WDR25: variants seen among roughly 807,000 people sequenced by gnomAD.
WDR25 encodes the protein WD repeat-containing protein 25.
Under a neutral mutation model 47.7 loss-of-function variants are expected in WDR25, and 35 were observed. That is an observed-to-expected ratio of 0.73 (90% CI 0.56 to 0.97). The LOEUF is 0.97. WDR25 is among the 50% of genes least tolerant of loss of function. The pLI, the probability that WDR25 is intolerant of heterozygous loss-of-function variation, is 0.00. For synonymous variants in WDR25, 248 were observed against 278.9 expected (o/e 0.89, Z 1.10); for missense variants, 634 against 704.7 (o/e 0.90, Z 1.14).
chr14:100,416,248 G>A (rs1249396224), intron 2 of WDR25, among the ~76,000 whole-genome samples: 1 of 152,214 alleles, frequency 6.6e-6, no homozygotes, highest in East Asian at 1.9e-4. Context: ...GTAAGAGGCA[G>A]TACAAGGGAA....
chr14:100,422,926 G>A (rs1439516251), intron 2 of WDR25, among the ~76,000 whole-genome samples: 3 of 152,152 alleles, frequency 2.0e-5, no homozygotes, highest in Admixed American at 6.5e-5. Context: ...CAATTTTTCA[G>A]GATTGAAGTG....
At chr14:100,485,171 G>T (rs1178054505) in intron 4 of WDR25, among the ~76,000 whole-genome samples, 1 of 151,342 alleles carries the variant, frequency 6.6e-6, no homozygotes, top group Non-Finnish European at 1.5e-5. Context: ...TGTTTCCTAA[G>T]TAGAGGCTTG....
At chr14:100,526,454 T>C (rs1455673731) in intron 5 of WDR25, among the ~76,000 whole-genome samples, 4 of 152,120 alleles carry the variant, frequency 2.6e-5, no homozygotes, top group African/African-American at 9.7e-5. Flanking sequence ...TTAGAACACC[T>C]GCATTAAGGT....
chr14:100,396,389 A>G (rs548060997), intron 2 of WDR25, among the ~76,000 whole-genome samples: 1 of 152,368 alleles, frequency 6.6e-6, no homozygotes, highest in Non-Finnish European at 1.5e-5. Context: ...AGCCTACAAT[A>G]AAAGATACAA....
chr14:100,378,772 A>C (rs1311819782), intron 1 of WDR25, among the ~76,000 whole-genome samples: 2 of 30,456 alleles, frequency 6.6e-5, no homozygotes, highest in Admixed American at 2.1e-4. Context: ...TCCCGGCTAA[A>C]ACGGTGAAAC....
intron 5 of WDR25, 84 bp downstream of exon 5, chr14:100,526,124 C>T (rs2030121329): frequency 6.7e-7 from 1 of 1,494,408 alleles, no homozygotes; most frequent in South Asian, 1.3e-5. Flanking sequence ...GTCCCAGGTC[C>T]CTTCTGTGGG....
chr14:100,523,361 G>A lies in WDR25; in HGVS notation c.1102-2509G>A, dbSNP rs2029953362. 6.6e-6 allele frequency among the ~76,000 whole-genome samples: 1 copy of A among 152,154 alleles called. No homozygotes were observed. The highest frequency in any genetic ancestry group is 2.4e-5 in the African/African-American group (1 of 41,434). On this transcript the variant is annotated intron_variant, in intron 4 of 6. Transcript: ENST00000402312. The surrounding 1 kb of genome is among the most constrained non-coding windows in gnomAD (Gnocchi z 4.7). The stretch of plus-strand genomic sequence containing the variant: ...GCACAGGGTTGCGTGTGAGCCCAGA[G>A]CAGTGCCTCCCCACCCCCTGTCCTT...
Position 100,484,015 on chromosome 14 carries a change from G to C in WDR25, c.992G>C (p.Arg331Pro). The change falls in exon 4 of 7, where the codon CGA becomes CCA. Residue 331 changes from arginine (R) to proline (P), a missense_variant. Physicochemically the swap from Arg to Pro is moderately radical, Grantham distance 103. Coordinates refer to ENST00000402312, the MANE Select transcript of WDR25 (RefSeq NM_001161476.3). ...GTAGGAACCCAGCTATTTAGTGGTC[G>C]AAGTGACTTTAGAATCACTACCTTG... ...LETGTQLFSG[R>P]SDFRITTLKF... 1.2e-6 allele frequency: 2 copies of C among 1,612,968 alleles called. No homozygotes were observed. The highest frequency in any genetic ancestry group is 1.7e-6 in the Non-Finnish European group (2 of 1,179,666).
chr14:100,447,130 G>C (rs1379535338), intron 2 of WDR25, among the ~76,000 whole-genome samples: 1 of 152,248 alleles, frequency 6.6e-6, no homozygotes, highest in Non-Finnish European at 1.5e-5. Flanking sequence ...TCTAAGTACA[G>C]TTTGTTAGGG....
At chr14:100,520,673 C>A (rs1282470869) in intron 4 of WDR25, among the ~76,000 whole-genome samples, 1 of 152,156 alleles carries the variant, frequency 6.6e-6, no homozygotes, top group Non-Finnish European at 1.5e-5. Context: ...GAAGACAATG[C>A]ATTTATTACT....
chr14:100,503,286 C>T (rs985140751), intron 4 of WDR25, among the ~76,000 whole-genome samples: 2 of 152,136 alleles, frequency 1.3e-5, no homozygotes, highest in Non-Finnish European at 2.9e-5. Flanking sequence ...CCTGAGCCAG[C>T]TCATCAGTTA....
chr14:100,423,445 G>A (rs1898082351), intron 2 of WDR25, among the ~76,000 whole-genome samples: 2 of 152,220 alleles, frequency 1.3e-5, no homozygotes, highest in Admixed American at 6.5e-5. Context: ...CGATCGTACT[G>A]TGAGGTTGTA....
chr14:100,519,266 GGAGAGAGAGAGA>G (rs139840480), intron 4 of WDR25, among the ~76,000 whole-genome samples: 1 of 147,670 alleles, frequency 6.8e-6, no homozygotes, highest in African/African-American at 2.5e-5. Context: ...TTTATAGGGG[GGAGAGAGAGAGA>G]GAGAGAGAGA....
rs2140388380 is a variant in WDR25, at chr14:100,523,842, C to T, written c.1102-2028C>T. 6.6e-6 allele frequency among the ~76,000 whole-genome samples: 1 copy of T among 152,226 alleles called. No homozygotes were observed. The highest frequency in any genetic ancestry group is 1.9e-4 in the East Asian group (1 of 5,180). ...GTGAGACTCCCTTTTGGATCCAGCT[C>T]GTTAGGCTCGGGTAGCAGCGTCCCA... On this transcript the variant is annotated intron_variant, in intron 4 of 6. Coordinates refer to ENST00000402312, the MANE Select transcript of WDR25 (RefSeq NM_001161476.3). This position sits in a 1 kb window ranked among gnomAD's most constrained non-coding sequence, Gnocchi z 4.7.
chr14:100,472,025 G>C (rs956349922), intron 3 of WDR25, among the ~76,000 whole-genome samples: 1 of 152,210 alleles, frequency 6.6e-6, no homozygotes, highest in South Asian at 2.1e-4. Flanking sequence ...AGCTCAGCCA[G>C]TCTCCTCAGA....
In WDR25 at chr14:100,529,774, G is replaced by T. The variant is rs760851168; in HGVS notation, c.1414-46G>T. ...TCTGTAGAATGGGCATACTCACCCC[G>T]GCTTGACAGGTGCGGCTTGCTCACC... On this transcript the variant is annotated intron_variant, in intron 6 of 6. Coordinates refer to ENST00000402312, the MANE Select transcript of WDR25 (RefSeq NM_001161476.3). The surrounding 1 kb of genome is among the most constrained non-coding windows in gnomAD (Gnocchi z 5.1). 1 of 1,587,024 alleles carries T rather than the reference G, an allele frequency of 6.3e-7. No homozygotes were observed.
chr14:100,464,757 TCTCATCTCATCTCATCTC>T (rs1899556551), intron 2 of WDR25, among the ~76,000 whole-genome samples: 1 of 34,862 alleles, frequency 2.9e-5, no homozygotes, highest in Non-Finnish European at 4.8e-5. Flanking sequence ...TCTCATCTCA[TCTCATCTCATCTCATCTC>T]ATCTCATCTC....
At position 100,529,650 on chromosome 14, in the gene WDR25, G is replaced by A; in HGVS notation, c.1414-170G>A. 1.4e-6 allele frequency: 1 copy of A among 728,020 alleles called. No individual in the cohort carries two copies. Among genetic ancestry groups the A allele is most frequent in the Admixed American group, 2.8e-5 (1 of 35,272 alleles). 45.1% of individuals were successfully genotyped at this position (728,020 alleles called of 1,614,324 possible). A position where few individuals can be genotyped will look rare whatever the true frequency, so the allele number is the denominator to read the frequency against. On this transcript the variant is annotated intron_variant, in intron 6 of 6. Coordinates refer to ENST00000402312, the MANE Select transcript of WDR25 (RefSeq NM_001161476.3). The surrounding 1 kb of genome is among the most constrained non-coding windows in gnomAD (Gnocchi z 5.1). ...GCCTTGGGATGTGGGCCCGCATCAG[G>A]GCTCTACAGCCTCATGGGCGGGACC...
chr14:100,476,977 G>T (rs1272404785), intron 3 of WDR25, among the ~76,000 whole-genome samples: 1 of 152,182 alleles, frequency 6.6e-6, no homozygotes, highest in Non-Finnish European at 1.5e-5. Context: ...GAAGAGGAAG[G>T]CCCTCACAGG....
Sources: gnomAD v4.1 joint callset for allele counts (sites outside exome capture counted in the v4.1 genomes callset) on GRCh38, gnomAD v4.1.1 for gene constraint, Gnocchi (gnomAD v3.1) non-coding constraint, MANE v1.5 for transcripts, NCBI Gene and HGNC (gene_info 2026-07-23, HGNC 2026-07-21) for gene names.